Variants in DSG1 observed in about 807,000 individuals in gnomAD.
DSG1 encodes desmoglein-1.
DSG1 carries 39 observed loss-of-function variants against 97.5 expected under a neutral mutation model. That is an observed-to-expected ratio of 0.40 (90% confidence interval 0.31 to 0.52). The LOEUF (loss-of-function observed/expected upper bound fraction) is 0.52, where lower values mean the gene tolerates loss of function less well. DSG1 is among the 20% of genes least tolerant of loss of function. The probability of loss-of-function intolerance (pLI) is 0.53; values close to 1 mark genes in which losing one functional copy is unlikely to be tolerated. For synonymous variants in DSG1, 475 were observed against 443.4 expected (o/e 1.07, Z -0.90); for missense variants, 1,311 against 1,295.4 (o/e 1.01, Z -0.18).
At chr18:31,350,677 T>C (rs1194938599) in intron 14 of DSG1, among the ~76,000 whole-genome samples, 1 of 146,604 alleles carries the variant, frequency 6.8e-6, no homozygotes, top group Non-Finnish European at 1.5e-5. Context: ...AGATTCAACT[T>C]CTACCTGGTT....
At chr18:31,326,705 C>T in intron 2 of DSG1, 89 bp downstream of exon 2, 1 of 1,373,118 alleles carries the variant, frequency 7.3e-7, no homozygotes, top group Non-Finnish European at 1.0e-6. Flanking sequence ...AATGTATTCT[C>T]ATAAGTCAAG....
Position 31,326,897 on chromosome 18 carries a change from T to A in DSG1, c.108T>A (p.Asn36Lys). Reference protein sequence around the residue: ...RIQVRDYNTKNGTIKWHSIRR... With the variant: ...RIQVRDYNTKKGTIKWHSIRR... ...AGGTAAGAGATTATAACACTAAAAA[T>A]GGCACCATCAAATGGCATTCAATCC... The change falls in exon 3 of 15, where the codon AAT becomes AAA. Residue 36 changes from asparagine (N) to lysine (K), a missense_variant. This residue lies in a region of DSG1 where 259 missense variants were observed against 304.1 expected (regional missense o/e 0.85). Transcript: ENST00000257192. 6.2e-7 allele frequency: 1 copy of A among 1,613,840 alleles called. No individual in the cohort carries two copies. Among genetic ancestry groups the A allele is most frequent in the South Asian group, 1.1e-5 (1 of 91,080 alleles).
rs1273899884 is a variant in DSG1 at position 31,354,420 on chromosome 18, G to A, written c.2224G>A (p.Asp742Asn). The A allele has an allele frequency of 1.9e-6, 3 of 1,614,038 alleles. No individual in the cohort carries two copies. In the African/African-American group the frequency reaches 4.0e-5, roughly 22 times the overall value. ...GGGTTGTTGTAGCTTCATTGGAGAA[G>A]ACCTGGATGACAGCTTCTTGGATAC... ...SVGCCSFIGE[D>N]LDDSFLDTLG... Residue 742 changes from aspartate (D) to asparagine (N), a missense_variant, in exon 15 of 15, where the codon GAC becomes AAC. By Grantham distance (23) the Asp-to-Asn change is conservative (BLOSUM62 1). Transcript: ENST00000257192.
chr18:31,339,791 AG>A lies in DSG1; in HGVS notation c.1454del (p.Ser485IlefsTer77). On this transcript the variant is annotated frameshift_variant, in exon 11 of 15. Coordinates refer to ENST00000257192, the MANE Select transcript of DSG1 (RefSeq NM_001942.4). LOFTEE classifies it high-confidence loss of function. ...TGGTACAATTAATATTAACATTCAA[AG>A]TTTTGGTAATGACGACAGGACTAAT... ...CTGTININIQ[S>X]FGNDDRTNTE... The A allele has an allele frequency of 6.2e-7, 1 of 1,613,074 alleles. No individual in the cohort carries two copies. The highest frequency in any genetic ancestry group is 8.5e-7 in the Non-Finnish European group (1 of 1,179,120).
intron 3 of DSG1, among the ~76,000 whole-genome samples, chr18:31,327,638 A>T (rs1206832219): frequency 6.6e-6 from 1 of 152,164 alleles, no homozygotes; most frequent in East Asian, 1.9e-4. Context: ...ATAACCATTT[A>T]TTCGCGTGGT....
rs116994434 is a variant in DSG1 at position 31,326,522 on chromosome 18, T to C, written c.49-59T>C. 8.1e-3 allele frequency: 10,406 copies of C among 1,278,386 alleles called. 76 individuals are homozygous for C. The highest frequency in any genetic ancestry group is 0.011 in the Non-Finnish European group (9,400 of 884,552). The allele number at this position is 1,278,386 out of a possible 1,614,324, so 79.2% of individuals were successfully genotyped here. A position where few individuals can be genotyped will look rare whatever the true frequency, so the allele number is the denominator to read the frequency against. On this transcript the variant is annotated intron_variant, in intron 1 of 14. Transcript: ENST00000257192. ...TGTTGTTTTTAAAGTAACTGGATAA[T>C]ATAAATTTTAAAGCATTTAATTAAA... is the stretch of plus-strand genomic sequence containing the variant.
chr18:31,327,651 C>T (rs910434087), intron 3 of DSG1, among the ~76,000 whole-genome samples: 2 of 152,228 alleles, frequency 1.3e-5, no homozygotes, highest in South Asian at 2.1e-4. Context: ...CGCGTGGTCT[C>T]CTTCCTTTTC....
rs1381957616 is a variant in DSG1 at position 31,358,827 on chromosome 18, C to T, written c.*3481C>T. Among the ~76,000 whole-genome samples, 1 of 152,004 alleles carries T rather than the reference C, an allele frequency of 6.6e-6. No homozygotes were observed. Among genetic ancestry groups the T allele is most frequent in the East Asian group, 1.9e-4 (1 of 5,198 alleles). On this transcript the variant is annotated 3_prime_UTR_variant, in exon 15 of 15. Transcript: ENST00000257192. ...CATTGCACTAGGATACAGCAGTCCA[C>T]AGTAGAGTGCTACTCTCCTTGAAAT...
Position 31,343,544 on chromosome 18 carries a change from T to C in DSG1, c.1782T>C (p.Ile594=). 6.2e-7 allele frequency: 1 copy of C among 1,614,136 alleles called. No homozygotes were observed. Among genetic ancestry groups the C allele is most frequent in the Non-Finnish European group, 8.5e-7 (1 of 1,180,028 alleles). ...EPVPECSDGA[I]HSWAVEGPQP... ...TTCCCGAATGTTCAGATGGAGCAAT[T>C]CATTCATGGGCAGTAGAAGGACCAC... The change falls in exon 12 of 15, where the codon ATT becomes ATC. Residue 594 remains isoleucine, a synonymous_variant. Coordinates refer to ENST00000257192, the MANE Select transcript of DSG1 (RefSeq NM_001942.4).
At position 31,357,978 on chromosome 18, in the gene DSG1, C is replaced by G. The variant is rs1034035707; in HGVS notation, c.*2632C>G. ...CATTTTTCAATGAAGAAGTTTTGGG[C>G]AGAACTTCATTCTTCTTCTTAGATG... On this transcript the variant is annotated 3_prime_UTR_variant, in exon 15 of 15. Transcript: ENST00000257192. Among the ~76,000 whole-genome samples, 1 of 151,844 alleles carries G rather than the reference C, an allele frequency of 6.6e-6. No individual in the cohort carries two copies. Among genetic ancestry groups the G allele is most frequent in the African/African-American group, 2.4e-5 (1 of 41,372 alleles).
chr18:31,336,650 T>C (rs184084122), intron 9 of DSG1, 37 bp downstream of exon 9: 4 of 1,608,206 alleles, frequency 2.5e-6, no homozygotes, highest in Non-Finnish European at 3.4e-6. Context: ...TCCTTACATA[T>C]TGAACTTAAG....
chr18:31,325,419 TA>T (rs1042948922), intron 1 of DSG1, among the ~76,000 whole-genome samples: 2 of 152,066 alleles, frequency 1.3e-5, no homozygotes, highest in Admixed American at 6.5e-5. Flanking sequence ...AACACACAAA[TA>T]AGGTATGCCC....
In DSG1 at chr18:31,339,896, A is replaced by G. The variant is rs1462024612; in HGVS notation, c.1558A>G (p.Thr520Ala). ...TSSTNYDTSTTSTDSSQVYSS... is the reference protein window; with the variant it reads ...TSSTNYDTSTASTDSSQVYSS... ...TTCCACTAACTATGATACCAGCACA[A>G]CTTCTACTGACTCTAGCCAAGTATA... is the stretch of plus-strand genomic sequence containing the variant. Residue 520 changes from threonine to alanine, a missense_variant, in exon 11 of 15, where the codon ACT becomes GCT. Coordinates refer to ENST00000257192, the MANE Select transcript of DSG1 (RefSeq NM_001942.4). The G allele has an allele frequency of 2.5e-6, 4 of 1,614,120 alleles. No individual in the cohort carries two copies. Among genetic ancestry groups the G allele is most frequent in the African/African-American group, 1.3e-5 (1 of 75,056 alleles).
intron 1 of DSG1, among the ~76,000 whole-genome samples, chr18:31,323,276 T>C (rs2071664850): frequency 6.6e-6 from 1 of 152,136 alleles, no homozygotes; most frequent in African/African-American, 2.4e-5. Flanking sequence ...TCTCCCCTAA[T>C]TGTCAGAAAA....
chr18:31,343,835 G>C (rs188964868), intron 12 of DSG1, 91 bp from the exon 13 acceptor site: 108 of 1,211,376 alleles, frequency 8.9e-5, no homozygotes, highest in Non-Finnish European at 1.1e-4. Flanking sequence ...TAGGAAATCT[G>C]AGGTAATTTA....
chr18:31,355,380 T>C lies in DSG1; in HGVS notation c.*34T>C. On this transcript the variant is annotated 3_prime_UTR_variant, in exon 15 of 15. Transcript: ENST00000257192. ...CCAGCTCACTTTTTCATAGTCATTG[T>C]GGTTTAGATCCAATTCCCACCACTA... 1 of 1,602,552 alleles carries C rather than the reference T, an allele frequency of 6.2e-7. No individual in the cohort carries two copies. The highest frequency in any genetic ancestry group is 8.5e-7 in the Non-Finnish European group (1 of 1,170,896).
At position 31,355,788 on chromosome 18, in the gene DSG1, T is replaced by C. The variant is rs1272877206; in HGVS notation, c.*442T>C. The C allele has an allele frequency of 8.1e-5, 14 of 172,390 alleles. No homozygotes were observed. The East Asian group carries it at 2.1e-3, about 26-fold the overall frequency. 10.7% of individuals were successfully genotyped at this position (172,390 alleles called of 1,614,324 possible). On this transcript the variant is annotated 3_prime_UTR_variant, in exon 15 of 15. Transcript: ENST00000257192. ...TGCCCTGTTGGTTTCACAGATAACA[T>C]AAATAAAAATTCAACCACAGATTTA...
intron 1 of DSG1, among the ~76,000 whole-genome samples, chr18:31,320,700 T>C (rs992929633): frequency 3.9e-5 from 6 of 152,214 alleles, no homozygotes; most frequent in African/African-American, 1.2e-4. Context: ...TTTGTTTCCA[T>C]GTAATCAGTG....
chr18:31,358,066 G>A lies in DSG1; in HGVS notation c.*2720G>A, dbSNP rs920337521. ...AAGAGATATGGAAATTATTTTATAAGTGAATACTATAATTAGGATTCAAGC... is the reference window on the plus strand; with the variant it reads ...AAGAGATATGGAAATTATTTTATAAATGAATACTATAATTAGGATTCAAGC... On this transcript the variant is annotated 3_prime_UTR_variant, in exon 15 of 15. Coordinates refer to ENST00000257192, the MANE Select transcript of DSG1 (RefSeq NM_001942.4). Among the ~76,000 whole-genome samples, 13 of 151,970 alleles carry A rather than the reference G, an allele frequency of 8.6e-5. No individual in the cohort carries two copies. The highest frequency in any genetic ancestry group is 4.4e-5 in the Non-Finnish European group (3 of 67,890).
Sources: gnomAD v4.1 joint callset for allele counts (sites outside exome capture counted in the v4.1 genomes callset) on GRCh38, gnomAD v4.1.1 for gene constraint, gnomAD v4.1.1 regional missense constraint, MANE v1.5 for transcripts, NCBI Gene and HGNC (gene_info 2026-07-23, HGNC 2026-07-21) for gene names.